The following BRD9 variants were observed in gnomAD, a reference collection of about 807,000 sequenced individuals.
The protein encoded by BRD9 is bromodomain containing 9.
A neutral mutation model predicts 68.7 loss-of-function variants in BRD9; 47 were observed. That is an observed-to-expected ratio of 0.68 (90% CI 0.54 to 0.87). The LOEUF (loss-of-function observed/expected upper bound fraction) is 0.87. Among genes scored for constraint, BRD9 ranks in the 40% least tolerant of loss-of-function variants. The pLI is 0.00. For missense variants in BRD9, 670 were observed against 748.4 expected, an observed-to-expected ratio of 0.90 and a Z score of 1.22; for synonymous variants, 313 against 293.9, an observed-to-expected ratio of 1.06 and a Z score of -0.67.
rs1308533696 is a variant in BRD9, at chr5:887,342, C to T, written c.717+19G>A. On this transcript the variant is annotated intron_variant, in intron 6 of 15. Coordinates refer to ENST00000467963, the MANE Select transcript of BRD9 (RefSeq NM_023924.5). Reference sequence around the variant, plus strand: ...AGCCCCTGCTTTCCGTAGCTCGCTGCTGCCAGTGAGTTTCTTACTTTGCTC... The same window carrying T: ...AGCCCCTGCTTTCCGTAGCTCGCTGTTGCCAGTGAGTTTCTTACTTTGCTC... 3 of 1,589,124 alleles carry T rather than the reference C, an allele frequency of 1.9e-6. No individual in the cohort carries two copies. Among genetic ancestry groups the T allele is most frequent in the East Asian group, 4.5e-5 (2 of 44,754 alleles).
At position 886,581 on chromosome 5, in the gene BRD9, A is replaced by G. The variant is rs1752599203; in HGVS notation, c.833+11T>C. The G allele has an allele frequency of 1.2e-6, 2 of 1,610,444 alleles. No individual in the cohort carries two copies. The highest frequency in any genetic ancestry group is 1.7e-6 in the Non-Finnish European group (2 of 1,177,916). ...CTCCAAAAGCAAATGTGGTTTCCAC[A>G]GAACCTTTACCTGATAACTTCTCTA... is the stretch of plus-strand genomic sequence containing the variant. On this transcript the variant is annotated intron_variant, in intron 7 of 15. Coordinates refer to ENST00000467963, the MANE Select transcript of BRD9 (RefSeq NM_023924.5).
rs1748995447 is a variant in BRD9 at position 864,144 on chromosome 5, T to C, written c.*324A>G. The C allele has an allele frequency of 5.0e-6, 1 of 199,148 alleles. No homozygotes were observed. Among genetic ancestry groups the C allele is most frequent in the Admixed American group, 5.3e-5 (1 of 18,700 alleles). The allele number at this position is 199,148 out of a possible 1,614,324, so 12.3% of individuals were successfully genotyped here. A position where few individuals can be genotyped will look rare whatever the true frequency, so the allele number is the denominator to read the frequency against. ...CTCCACTCCTCAGGGTTCACGGGGC[T>C]GTGTACAGAGACTCTCTCTGCTGAC... On this transcript the variant is annotated 3_prime_UTR_variant, in exon 16 of 16. Transcript: ENST00000467963.
chr5:891,476 T>A, intron 2 of BRD9, 164 bp downstream of exon 2: 1 of 1,320,984 alleles, frequency 7.6e-7, no homozygotes. Flanking sequence ...ACACCCAGGA[T>A]CCTGGAACTG....
At chr5:871,726 CCTT>C (rs1579919675) in intron 12 of BRD9, among the ~76,000 whole-genome samples, 162 bp from the exon 13 acceptor site, 2 of 152,244 alleles carry the variant, frequency 1.3e-5, no homozygotes, top group Non-Finnish European at 2.9e-5. Context: ...GTCCTCCAAA[CCTT>C]CTTCATCACC....
chr5:889,488 T>C, intron 4 of BRD9, 99 bp downstream of exon 4: 2 of 1,328,194 alleles, frequency 1.5e-6, no homozygotes, highest in Non-Finnish European at 2.1e-6. Context: ...GTGCAGGGTC[T>C]GTTTCACAGC....
At position 891,866 on chromosome 5, in the gene BRD9, C is replaced by G; in HGVS notation, c.53-12G>C. 6.5e-7 allele frequency: 1 copy of G among 1,550,270 alleles called. No homozygotes were observed. Among genetic ancestry groups the G allele is most frequent in the Non-Finnish European group, 8.7e-7 (1 of 1,146,866 alleles). Reference sequence around the variant, plus strand: ...CTTGTCGGCATAATCTGCACAGACACAGACCGAGTTCTACCCGCGTGCTCA... The same window carrying G: ...CTTGTCGGCATAATCTGCACAGACAGAGACCGAGTTCTACCCGCGTGCTCA... On this transcript the variant is annotated splice_polypyrimidine_tract_variant and intron_variant, in intron 1 of 15. Coordinates refer to ENST00000467963, the MANE Select transcript of BRD9 (RefSeq NM_023924.5).
At chr5:888,101 C>T (rs73733983) in intron 5 of BRD9, 5,739 of 155,554 alleles carry the variant, frequency 0.037, 344 homozygotes, top group African/African-American at 0.13. Context: ...TAACTGAGAA[C>T]GTGCCATCTG....
Position 883,920 on chromosome 5 carries a change from G to A in BRD9, c.966+18C>T. On this transcript the variant is annotated intron_variant, in intron 8 of 15. Coordinates refer to ENST00000467963, the MANE Select transcript of BRD9 (RefSeq NM_023924.5). ...TGGGGCCACGTGGCACCCTCTCTCG[G>A]TGGCCACAGAGCACTACCTTGCCGC... is the stretch of plus-strand genomic sequence containing the variant. 1.2e-6 allele frequency: 2 copies of A among 1,606,398 alleles called. No individual in the cohort carries two copies. Among genetic ancestry groups the A allele is most frequent in the East Asian group, 2.2e-5 (1 of 44,800 alleles).
In BRD9 at chr5:870,462, T is replaced by C. The variant is rs1184307179; in HGVS notation, c.1525+11A>G. 4 of 1,607,592 alleles carry C rather than the reference T, an allele frequency of 2.5e-6. No homozygotes were observed. Among genetic ancestry groups the C allele is most frequent in the Non-Finnish European group, 3.4e-6 (4 of 1,174,086 alleles). Reference sequence around the variant, plus strand: ...ACCAGGTGCTGTGGGAAAGTGCCTGTTACAACTCACCCAGAGAGCTGAGCA... The same window carrying C: ...ACCAGGTGCTGTGGGAAAGTGCCTGCTACAACTCACCCAGAGAGCTGAGCA... On this transcript the variant is annotated intron_variant, in intron 14 of 15. Transcript: ENST00000467963.
At position 876,161 on chromosome 5, in the gene BRD9, G is replaced by A. The variant is rs1406821967; in HGVS notation, c.1323C>T (p.Asp441=). 6.8e-6 allele frequency: 11 copies of A among 1,613,658 alleles called. No individual in the cohort carries two copies. Among genetic ancestry groups the A allele is most frequent in the Admixed American group, 5.0e-5 (3 of 59,990 alleles). ...CGCCTGTGATCTGGTCCAGGAGGTC[G>A]TCCACCACTTTCTTGCTGTAGCTCC... ...DAGSYSKKVV[D]DLLDQITGGD... Residue 441 remains aspartate, a synonymous_variant, in exon 12 of 16, where the codon GAC becomes GAT. Transcript: ENST00000467963.
In BRD9 at chr5:877,567, A is replaced by G. The variant is rs563067447; in HGVS notation, c.1271+788T>C. 5.8e-3 allele frequency among the ~76,000 whole-genome samples: 885 copies of G among 152,366 alleles called. 7 individuals carry two copies. Among genetic ancestry groups the G allele is most frequent in the Non-Finnish European group, 9.4e-3 (638 of 68,042 alleles). On this transcript the variant is annotated intron_variant, in intron 11 of 15. Coordinates refer to ENST00000467963, the MANE Select transcript of BRD9 (RefSeq NM_023924.5). ...GTTGCTTTCTCCATTAAAAACTGCC[A>G]AATTTTACAAGAGTGACCCACTTTT...
At chr5:871,697 T>C in intron 12 of BRD9, 133 bp from the exon 13 acceptor site, 1 of 838,462 alleles carries the variant, frequency 1.2e-6, no homozygotes, top group Non-Finnish European at 2.0e-6. Context: ...CACACCATCT[T>C]AATGGATTAA....
intron 7 of BRD9, among the ~76,000 whole-genome samples, 153 bp downstream of exon 7, chr5:886,438 GC>G (rs1043569488): frequency 5.9e-5 from 9 of 152,104 alleles, no homozygotes; most frequent in African/African-American, 2.2e-4. Context: ...GGGCTGTCTG[GC>G]CACACTCCTC....
chr5:864,622 G>C, intron 15 of BRD9, 54 bp from the exon 16 acceptor site: 1 of 1,510,832 alleles, frequency 6.6e-7, no homozygotes, highest in Non-Finnish European at 9.1e-7. Flanking sequence ...CGCAGCACAC[G>C]TGGGGCTCCT....
chr5:867,515 CCA>C (rs1225959290), intron 14 of BRD9, among the ~76,000 whole-genome samples: 1 of 152,264 alleles, frequency 6.6e-6, no homozygotes, highest in Non-Finnish European at 1.5e-5. Flanking sequence ...GGGAAAGCAG[CCA>C]CAGAGGCTGT....
At chr5:884,787 G>T (rs1333519021) in intron 7 of BRD9, among the ~76,000 whole-genome samples, 1 of 152,248 alleles carries the variant, frequency 6.6e-6, no homozygotes, top group Admixed American at 6.5e-5. Context: ...TGACAACCTG[G>T]CAACCCTACA....
At chr5:892,445 T>C in intron 1 of BRD9, 161 bp downstream of exon 1, 5 of 1,403,082 alleles carry the variant, frequency 3.6e-6, no homozygotes, top group Non-Finnish European at 4.6e-6. Context: ...GTGTGCCCGG[T>C]TCCCTGCCCG....
In BRD9 at chr5:872,105, T is replaced by TGGGCC. The variant is rs562678452; in HGVS notation, c.1384-546_1384-542dup. On this transcript the variant is annotated intron_variant, in intron 12 of 15. Coordinates refer to ENST00000467963, the MANE Select transcript of BRD9 (RefSeq NM_023924.5). Reference sequence around the variant, plus strand: ...ACCTCCTGGCGGTGCCTGCAGCAGGTGGGCCGGGCCGTGCATTGTCTCCTT... The same window carrying TGGGCC: ...ACCTCCTGGCGGTGCCTGCAGCAGGTGGGCCGGGCCGGGCCGTGCATTGTCTCCTT... Among the ~76,000 whole-genome samples the TGGGCC allele has an allele frequency of 5.6e-3, 854 of 152,284 alleles. 5 individuals carry two copies. The highest frequency in any genetic ancestry group is 0.02 in the African/African-American group (815 of 41,562).
intron 6 of BRD9, 104 bp from the exon 7 acceptor site, chr5:886,811 C>T (rs913851981): frequency 3.8e-6 from 6 of 1,583,692 alleles, no homozygotes; most frequent in African/African-American, 1.3e-5. Context: ...ACCTCTCCCT[C>T]ACAGCCAGGG....
Sources: allele counts gnomAD v4.1 joint callset (sites outside exome capture counted in the v4.1 genomes callset), GRCh38; gene constraint gnomAD v4.1.1; transcripts MANE v1.5; gene names NCBI Gene and HGNC (gene_info 2026-07-23, HGNC 2026-07-21).